Variants in PCDH15 observed in about 807,000 individuals in gnomAD.
The protein encoded by PCDH15 is protocadherin-15.
PCDH15 carries 129 observed loss-of-function variants against 178.5 expected under a neutral mutation model. That is an observed-to-expected ratio of 0.72 (90% CI 0.63 to 0.84). The LOEUF (loss-of-function observed/expected upper bound fraction) is 0.84, where lower values mean the gene tolerates loss of function less well. Ranked by LOEUF, PCDH15 falls within the 40% of genes least tolerant of loss-of-function variation. The probability of loss-of-function intolerance (pLI) is 0.00; values close to 1 mark genes in which losing one functional copy is unlikely to be tolerated. For synonymous variants in PCDH15, 800 were observed against 732.0 expected (o/e 1.09, Z -1.50); for missense variants, 2,230 against 2,099.9 (o/e 1.06, Z -1.21).
chr10:54,955,001 A>G (rs1008512135), intron 2 of PCDH15, among the ~76,000 whole-genome samples: 1 of 151,296 alleles, frequency 6.6e-6, no homozygotes, highest in African/African-American at 2.4e-5. Flanking sequence ...CATAAAAACC[A>G]TACAAATTCT....
intron 2 of PCDH15, among the ~76,000 whole-genome samples, chr10:55,454,065 TG>T (rs1486140899): frequency 6.6e-6 from 1 of 152,132 alleles, no homozygotes; most frequent in Admixed American, 6.5e-5. Context: ...TTTAAAGAAA[TG>T]ATTCCGTTGA....
At chr10:53,816,778 TTTC>T (rs1251505886) in intron 34 of PCDH15, among the ~76,000 whole-genome samples, 3 of 152,208 alleles carry the variant, frequency 2.0e-5, no homozygotes, top group Non-Finnish European at 4.4e-5. Context: ...ATGCTCTCCA[TTTC>T]TTCTTCTTAC....
At chr10:53,991,415 G>A (rs2091473333) in intron 21 of PCDH15, among the ~76,000 whole-genome samples, 1 of 152,052 alleles carries the variant, frequency 6.6e-6, no homozygotes, top group African/African-American at 2.4e-5. Flanking sequence ...GGGACTTGGA[G>A]AACTTTTATG....
chr10:54,168,089 C>T (rs61858441), intron 13 of PCDH15, among the ~76,000 whole-genome samples: 1 of 151,950 alleles, frequency 6.6e-6, no homozygotes, highest in Non-Finnish European at 1.5e-5. Flanking sequence ...TCAACTCACA[C>T]CTGACCTAAA....
intron 1 of PCDH15, among the ~76,000 whole-genome samples, chr10:55,198,720 G>A (rs749121427): frequency 3.3e-5 from 5 of 150,746 alleles, no homozygotes; most frequent in East Asian, 3.9e-4. Context: ...CCTGACCTCC[G>A]CATCTGCCCG....
intron 18 of PCDH15, among the ~76,000 whole-genome samples, chr10:54,039,758 T>G (rs1292052944): frequency 6.6e-6 from 1 of 152,044 alleles, no homozygotes; most frequent in African/African-American, 2.4e-5. Context: ...TCCTAGGTTC[T>G]CAAGGGAACA....
chr10:54,961,140 G>A (rs1838642856), intron 2 of PCDH15, among the ~76,000 whole-genome samples: 1 of 152,230 alleles, frequency 6.6e-6, no homozygotes. Flanking sequence ...TGTTGGAGGA[G>A]CAGACAGGGG....
intron 2 of PCDH15, among the ~76,000 whole-genome samples, chr10:55,412,537 C>G (rs1279145528): frequency 6.6e-6 from 1 of 151,510 alleles, no homozygotes; most frequent in Non-Finnish European, 1.5e-5. Context: ...TTATGAATGG[C>G]ACAATAAAGT....
chr10:54,258,320 A>G (rs1302154173), intron 8 of PCDH15, among the ~76,000 whole-genome samples: 4 of 152,238 alleles, frequency 2.6e-5, no homozygotes, highest in Non-Finnish European at 5.9e-5. Flanking sequence ...TTATTTTGCT[A>G]TAAAATGAAT....
intron 1 of PCDH15, among the ~76,000 whole-genome samples, chr10:54,716,473 C>T (rs150488275): frequency 0.017 from 2,604 of 152,168 alleles, 74 homozygotes; most frequent in African/African-American, 0.058. Flanking sequence ...AGAGGTCCTT[C>T]GCGTCCCTTG....
intron 3 of PCDH15, among the ~76,000 whole-genome samples, chr10:54,518,908 T>C (rs1430619943): frequency 6.6e-6 from 1 of 152,166 alleles, no homozygotes; most frequent in Non-Finnish European, 1.5e-5. Flanking sequence ...TGGTTCAATA[T>C]ATGCAAATCA....
chr10:54,980,858 G>A (rs1839216842), intron 2 of PCDH15, among the ~76,000 whole-genome samples: 1 of 151,650 alleles, frequency 6.6e-6, no homozygotes, highest in African/African-American at 2.4e-5. Context: ...CATTTTTTCA[G>A]AGTAGAGAAA....
At chr10:54,168,488 A>G (rs1188947570) in intron 13 of PCDH15, among the ~76,000 whole-genome samples, 1 of 151,574 alleles carries the variant, frequency 6.6e-6, no homozygotes, top group African/African-American at 2.4e-5. Context: ...CTGCTCCTCC[A>G]CCCTATAATC....
chr10:54,211,284 T>C (rs7093540), intron 10 of PCDH15, among the ~76,000 whole-genome samples: 110,030 of 152,056 alleles, frequency 0.72, 41,117 homozygotes, highest in African/African-American at 0.83. Context: ...ACAAAGACAA[T>C]GGACATAAAC....
At chr10:54,707,324 C>A (rs1411565816) in intron 1 of PCDH15, among the ~76,000 whole-genome samples, 1 of 152,096 alleles carries the variant, frequency 6.6e-6, no homozygotes, top group African/African-American at 2.4e-5. Flanking sequence ...ACTATAGATA[C>A]CACTGTTCTT....
chr10:54,658,100 T>C (rs973074235), intron 2 of PCDH15, among the ~76,000 whole-genome samples: 24 of 152,018 alleles, frequency 1.6e-4, no homozygotes, highest in African/African-American at 5.1e-4. Flanking sequence ...GAAAAAATAA[T>C]TTTTAAAAAT....
chr10:54,399,256 A>G (rs1951636063), intron 3 of PCDH15, among the ~76,000 whole-genome samples: 1 of 151,912 alleles, frequency 6.6e-6, no homozygotes, highest in African/African-American at 2.4e-5. Context: ...AAGCCACTGA[A>G]GTTCAGTGTG....
intron 29 of PCDH15, among the ~76,000 whole-genome samples, chr10:53,833,334 C>G (rs2077121868): frequency 6.6e-6 from 1 of 152,020 alleles, no homozygotes; most frequent in African/African-American, 2.4e-5. Context: ...TACTTAGATA[C>G]TTATTTTCAC....
At chr10:55,304,732 A>T (rs914130393) in intron 1 of PCDH15, among the ~76,000 whole-genome samples, 3 of 152,170 alleles carry the variant, frequency 2.0e-5, no homozygotes, top group Non-Finnish European at 4.4e-5. Flanking sequence ...CAGTCATTTA[A>T]TGTATACTGG....
Sources: gnomAD v4.1 joint callset for allele counts (sites outside exome capture counted in the v4.1 genomes callset) on GRCh38, gnomAD v4.1.1 for gene constraint, MANE v1.5 for transcripts, NCBI Gene and HGNC (gene_info 2026-07-23, HGNC 2026-07-21) for gene names.